ITFG1: variants seen among roughly 807,000 people sequenced by gnomAD.
ITFG1 encodes integrin alpha FG-GAP repeat containing 1, also known as T-cell immunomodulatory protein.
Under a neutral mutation model 81.8 loss-of-function variants are expected in ITFG1, and 34 were observed. That is an observed-to-expected ratio of 0.42 (90% CI 0.32 to 0.55). The LOEUF is 0.55. Ranked by LOEUF, ITFG1 falls within the 20% of genes least tolerant of loss-of-function variation. The pLI is 0.17. For missense variants in ITFG1, 672 were observed against 755.4 expected, an observed-to-expected ratio of 0.89 and a Z score of 1.29; for synonymous variants, 285 against 270.6, an observed-to-expected ratio of 1.05 and a Z score of -0.52.
chr16:47,159,258 A>C (rs993785197), intron 16 of ITFG1, among the ~76,000 whole-genome samples: 1 of 152,174 alleles, frequency 6.6e-6, no homozygotes, highest in Non-Finnish European at 1.5e-5. Flanking sequence ...TTCATTTTCC[A>C]AGTTTGATCC....
chr16:47,206,992 AATT>A (rs1965507392), intron 14 of ITFG1, among the ~76,000 whole-genome samples: 1 of 152,222 alleles, frequency 6.6e-6, no homozygotes, highest in African/African-American at 2.4e-5. Context: ...TCGTTCACTC[AATT>A]ATTCAACAAA....
At chr16:47,299,027 T>G (rs1337864171) in intron 10 of ITFG1, among the ~76,000 whole-genome samples, 1 of 151,646 alleles carries the variant, frequency 6.6e-6, no homozygotes, top group East Asian at 2.0e-4. Context: ...AGAGGGGTGG[T>G]GGGGGAGTCC....
intron 8 of ITFG1, among the ~76,000 whole-genome samples, chr16:47,351,268 A>C (rs1967950062): frequency 6.6e-6 from 1 of 152,200 alleles, no homozygotes; most frequent in East Asian, 1.9e-4. Context: ...AGGAAGTCGA[A>C]TTGTCCCTGT....
At chr16:47,276,160 G>A (rs1253170641) in intron 10 of ITFG1, among the ~76,000 whole-genome samples, 1 of 151,946 alleles carries the variant, frequency 6.6e-6, no homozygotes, top group East Asian at 1.9e-4. Flanking sequence ...AAATCCAAGA[G>A]AATATGCCAA....
At chr16:47,391,215 A>G (rs1004920676) in intron 6 of ITFG1, among the ~76,000 whole-genome samples, 3 of 152,132 alleles carry the variant, frequency 2.0e-5, no homozygotes, top group African/African-American at 7.2e-5. Context: ...GTTATAATTT[A>G]ATATTATGCC....
At chr16:47,320,499 CT>C (rs1416755983) in intron 8 of ITFG1, among the ~76,000 whole-genome samples, 1 of 152,162 alleles carries the variant, frequency 6.6e-6, no homozygotes, top group Non-Finnish European at 1.5e-5. Flanking sequence ...TTGTACTGCA[CT>C]TTTTACAGAT....
At chr16:47,374,228 GA>G (rs1282146271) in intron 7 of ITFG1, among the ~76,000 whole-genome samples, 2 of 152,146 alleles carry the variant, frequency 1.3e-5, no homozygotes, top group Non-Finnish European at 2.9e-5. Flanking sequence ...TCTTTAACAA[GA>G]GTTTAAAAAT....
intron 14 of ITFG1, among the ~76,000 whole-genome samples, chr16:47,208,702 AT>A (rs923565261): frequency 3.9e-5 from 6 of 152,352 alleles, no homozygotes; most frequent in African/African-American, 1.4e-4. Context: ...GGAGAACGTA[AT>A]TTCAGAAAAA....
chr16:47,340,727 C>T (rs1388127285), intron 8 of ITFG1, among the ~76,000 whole-genome samples: 2 of 151,920 alleles, frequency 1.3e-5, no homozygotes, highest in East Asian at 3.9e-4. Flanking sequence ...AGGAGATTGG[C>T]AGAATGAATT....
intron 8 of ITFG1, among the ~76,000 whole-genome samples, chr16:47,329,212 A>G (rs2151572892): frequency 6.6e-6 from 1 of 152,280 alleles, no homozygotes; most frequent in Non-Finnish European, 1.5e-5. Flanking sequence ...CAAAATGCAA[A>G]TGATTAAAGC....
chr16:47,311,322 T>G lies in ITFG1; in HGVS notation c.988A>C (p.Ile330Leu). The G allele has an allele frequency of 6.2e-7, 1 of 1,613,474 alleles. No homozygotes were observed. Among genetic ancestry groups the G allele is most frequent in the South Asian group, 1.1e-5 (1 of 91,064 alleles). ...TCTCCAATATGAAGGGTAATTGGAA[T>G]TGGTATTTCAGTTGGTTGCTGTTCA... The part of the protein sequence containing the change: ...VDEQQPTEIP[I>L]PITLHIGDYN... The change falls in exon 10 of 18, where the codon ATT becomes CTT. Residue 330 changes from isoleucine (I) to leucine (L), a missense_variant. Ile to Leu is a conservative substitution (Grantham distance 5, BLOSUM62 2). Coordinates refer to ENST00000320640, the MANE Select transcript of ITFG1 (RefSeq NM_030790.5).
At chr16:47,263,454 G>A (rs1966235597) in intron 10 of ITFG1, 4 of 395,200 alleles carry the variant, frequency 1.0e-5, no homozygotes, top group Non-Finnish European at 1.5e-5. Flanking sequence ...CAAGTCTCCA[G>A]TGACAATGCA....
intron 5 of ITFG1, among the ~76,000 whole-genome samples, chr16:47,445,411 A>G (rs1422971870): frequency 2.0e-5 from 3 of 152,178 alleles, no homozygotes; most frequent in Admixed American, 6.6e-5. Context: ...TCTCAGGCAC[A>G]TGAATTTTAG....
chr16:47,239,503 A>T (rs1277804588), intron 12 of ITFG1, among the ~76,000 whole-genome samples: 1 of 151,818 alleles, frequency 6.6e-6, no homozygotes, highest in African/African-American at 2.4e-5. Context: ...CTGGCCAGAT[A>T]TTTTTTTTAT....
intron 12 of ITFG1, among the ~76,000 whole-genome samples, chr16:47,241,536 A>T (rs1044795668): frequency 6.6e-6 from 1 of 152,268 alleles, no homozygotes; most frequent in Non-Finnish European, 1.5e-5. Flanking sequence ...TAAGTGTAAG[A>T]AGCCAGTCAC....
chr16:47,375,090 G>A (rs1434423351), intron 7 of ITFG1, among the ~76,000 whole-genome samples: 1 of 152,158 alleles, frequency 6.6e-6, no homozygotes, highest in Non-Finnish European at 1.5e-5. Context: ...ATTAAAATTC[G>A]ATAAATGCCT....
chr16:47,409,142 A>G (rs1202054810), intron 6 of ITFG1, among the ~76,000 whole-genome samples: 1 of 151,548 alleles, frequency 6.6e-6, no homozygotes, highest in Non-Finnish European at 1.5e-5. Flanking sequence ...GGGTTATCAT[A>G]ACAAGACTGC....
At chr16:47,176,939 T>C (rs1357518732) in intron 14 of ITFG1, among the ~76,000 whole-genome samples, 5 of 151,620 alleles carry the variant, frequency 3.3e-5, no homozygotes, top group Non-Finnish European at 5.9e-5. Flanking sequence ...GGGTTTCTCA[T>C]ACATCTTCTT....
At chr16:47,413,891 G>T (rs1353868220) in intron 6 of ITFG1, among the ~76,000 whole-genome samples, 1 of 151,994 alleles carries the variant, frequency 6.6e-6, no homozygotes, top group Admixed American at 6.6e-5. Flanking sequence ...TGCGATCTTG[G>T]CTCACTGCAA....
Sources: allele counts gnomAD v4.1 joint callset (sites outside exome capture counted in the v4.1 genomes callset), GRCh38; gene constraint gnomAD v4.1.1; transcripts MANE v1.5; gene names NCBI Gene and HGNC (gene_info 2026-07-23, HGNC 2026-07-21).